ERBB4: variants seen among roughly 807,000 people sequenced by gnomAD.
ERBB4 encodes erb-b2 receptor tyrosine kinase 4.
ERBB4 carries 42 observed loss-of-function variants against 158.0 expected under a neutral mutation model. The ratio of observed to expected loss-of-function variants is 0.27; its 90% CI spans 0.21 to 0.34. The LOEUF is 0.34. Among genes scored for constraint, ERBB4 ranks in the 10% least tolerant of loss-of-function variants. ERBB4 has a pLI of 1.00. For missense variants in ERBB4, 1,333 were observed against 1,624.1 expected (o/e 0.82, Z 3.08); for synonymous variants, 583 against 558.7 (o/e 1.04, Z -0.61).
chr2:211,516,365 A>C, intron 20 of ERBB4, among the ~76,000 whole-genome samples: 1 of 136,912 alleles, frequency 7.3e-6, no homozygotes, highest in Non-Finnish European at 1.6e-5. Context: ...ACGGAGTCTC[A>C]CTCTGTTGCC....
Position 211,442,003 on chromosome 2 carries a change from T to G in ERBB4, c.2488-10903A>C, listed in dbSNP as rs146771807. On this transcript the variant is annotated intron_variant, in intron 20 of 27. Transcript: ENST00000342788. ...ATTTGCCATCATTTCCTCATTCTCC[T>G]TTACCCTTCAACAGACATGCACATA... Among the ~76,000 whole-genome samples, 3 of 152,160 alleles carry G rather than the reference T, an allele frequency of 2.0e-5. No individual in the cohort carries two copies. In the East Asian group the frequency reaches 5.8e-4, roughly 29 times the overall value.
At chr2:212,290,699 T>C (rs1050602209) in intron 1 of ERBB4, among the ~76,000 whole-genome samples, 3 of 152,090 alleles carry the variant, frequency 2.0e-5, no homozygotes, top group Non-Finnish European at 4.4e-5. Flanking sequence ...CACGTACACA[T>C]GCAAGTGATG....
intron 4 of ERBB4, among the ~76,000 whole-genome samples, chr2:211,771,045 T>C (rs984317030): frequency 3.3e-5 from 5 of 152,222 alleles, no homozygotes; most frequent in African/African-American, 9.6e-5. Context: ...TAGGCTTTGC[T>C]AATCATTTTA....
chr2:211,506,388 A>T (rs535676637), intron 20 of ERBB4, among the ~76,000 whole-genome samples: 2 of 152,090 alleles, frequency 1.3e-5, no homozygotes, highest in African/African-American at 2.4e-5. Context: ...CTGTACCTAA[A>T]CTGGACTCTA....
intron 20 of ERBB4, among the ~76,000 whole-genome samples, chr2:211,554,624 C>T (rs561835133): frequency 1.3e-5 from 2 of 152,320 alleles, no homozygotes; most frequent in Admixed American, 1.3e-4. Flanking sequence ...CATATGCTTG[C>T]TTGTGATGGA....
At chr2:211,965,418 T>C (rs2081286301) in intron 2 of ERBB4, among the ~76,000 whole-genome samples, 1 of 152,168 alleles carries the variant, frequency 6.6e-6, no homozygotes, top group Admixed American at 6.6e-5. Context: ...CATATAAATA[T>C]GCCATCTTCA....
chr2:212,143,326 C>T (rs1270976153), intron 1 of ERBB4, among the ~76,000 whole-genome samples: 2 of 152,052 alleles, frequency 1.3e-5, no homozygotes, highest in Middle Eastern at 3.4e-3. Flanking sequence ...ATTGTTATAG[C>T]TATTATTATG....
chr2:212,071,293 T>G (rs1311756944), intron 2 of ERBB4, among the ~76,000 whole-genome samples: 2 of 137,534 alleles, frequency 1.5e-5, no homozygotes, highest in Non-Finnish European at 3.1e-5. Flanking sequence ...CATAAACAAA[T>G]TAAAGCAGAC....
intron 2 of ERBB4, among the ~76,000 whole-genome samples, chr2:211,987,339 A>AAAAAAAG (rs1429164117): frequency 1.4e-5 from 2 of 145,828 alleles, no homozygotes; most frequent in East Asian, 3.9e-4. Context: ...ACAAAAAAAA[A>AAAAAAAG]AAAAAGAAAG....
chr2:211,614,402 G>C (rs1473281192), intron 19 of ERBB4, among the ~76,000 whole-genome samples: 1 of 151,986 alleles, frequency 6.6e-6, no homozygotes, highest in African/African-American at 2.4e-5. Context: ...TGAATTTTAA[G>C]ATGACTTAAT....
Position 211,424,161 on chromosome 2 carries a change from C to T in ERBB4, c.2860G>A (p.Val954Ile). The change falls in exon 23 of 28, where the codon GTC becomes ATC. Residue 954 changes from valine (V) to isoleucine (I), a missense_variant. Transcript: ENST00000342788. ...CATTATTTTGCAGTCTTACATTTGA[C>T]CATGACCATGTAAACGTCAATAGTG... ...ICTIDVYMVM[V>I]KCWMIDADSR... 3 of 1,613,004 alleles carry T rather than the reference C, an allele frequency of 1.9e-6. No homozygotes were observed. The highest frequency in any genetic ancestry group is 2.5e-6 in the Non-Finnish European group (3 of 1,179,198).
chr2:211,531,496 A>G (rs2066498475), intron 20 of ERBB4, among the ~76,000 whole-genome samples: 1 of 152,164 alleles, frequency 6.6e-6, no homozygotes, highest in African/African-American at 2.4e-5. Flanking sequence ...AAAATGGGCA[A>G]TAGATCTGAA....
chr2:212,280,066 C>T lies in ERBB4; in HGVS notation c.83-155163G>A, dbSNP rs191867446. ...TTTTCTTCAAAAAGAACTTGAAAAT[C>T]TGCCTCAGAAGATGGGAAATAAATT... On this transcript the variant is annotated intron_variant, in intron 1 of 27. Coordinates refer to ENST00000342788, the MANE Select transcript of ERBB4 (RefSeq NM_005235.3). 5.9e-5 allele frequency among the ~76,000 whole-genome samples: 9 copies of T among 151,642 alleles called. No individual in the cohort carries two copies. The East Asian group carries it at 1.8e-3, about 30-fold the overall frequency.
intron 1 of ERBB4, among the ~76,000 whole-genome samples, chr2:212,391,674 A>AT (rs1191614753): frequency 8.5e-5 from 11 of 128,868 alleles, no homozygotes; most frequent in African/African-American, 1.5e-4. Context: ...ATTATATTTT[A>AT]TATATATTAT....
At chr2:212,352,500 A>G (rs905231279) in intron 1 of ERBB4, among the ~76,000 whole-genome samples, 2 of 152,150 alleles carry the variant, frequency 1.3e-5, no homozygotes, top group East Asian at 3.9e-4. Context: ...AAAAATCTTA[A>G]TGTTTGATAT....
intron 3 of ERBB4, among the ~76,000 whole-genome samples, chr2:211,896,031 C>A (rs1169346230): frequency 6.6e-6 from 1 of 152,068 alleles, no homozygotes; most frequent in Non-Finnish European, 1.5e-5. Flanking sequence ...GTTGGTAGGC[C>A]CCAAGGTCAG....
At chr2:211,657,594 G>T (rs1476462497) in intron 16 of ERBB4, 160 bp downstream of exon 16, 6 of 674,164 alleles carry the variant, frequency 8.9e-6, no homozygotes, top group East Asian at 5.5e-5. Flanking sequence ...AAGAAAGTTG[G>T]CTTGAGAAGG....
At chr2:212,344,189 TAG>T (rs2088860912) in intron 1 of ERBB4, among the ~76,000 whole-genome samples, 1 of 152,106 alleles carries the variant, frequency 6.6e-6, no homozygotes, top group African/African-American at 2.4e-5. Context: ...TGCTCAAAAA[TAG>T]AGAGTTAAAG....
chr2:212,151,848 C>T (rs144265625), intron 1 of ERBB4, among the ~76,000 whole-genome samples: 13,913 of 152,096 alleles, frequency 0.091, 757 homozygotes, highest in Admixed American at 0.14. Flanking sequence ...GAGATTGCAC[C>T]ACTGCACTCC....
Sources: allele counts gnomAD v4.1 joint callset (sites outside exome capture counted in the v4.1 genomes callset), GRCh38; gene constraint gnomAD v4.1.1; transcripts MANE v1.5; gene names NCBI Gene and HGNC (gene_info 2026-07-23, HGNC 2026-07-21).